Variants in RGL1 observed in about 807,000 individuals in gnomAD.
RGL1 encodes ral guanine nucleotide dissociation stimulator-like 1.
RGL1 carries 24 observed loss-of-function variants against 95.2 expected under a neutral mutation model. The ratio of observed to expected loss-of-function variants is 0.25; its 90% CI spans 0.18 to 0.35. The LOEUF (loss-of-function observed/expected upper bound fraction) is 0.35. Among genes scored for constraint, RGL1 ranks in the 10% least tolerant of loss-of-function variants. The probability of loss-of-function intolerance (pLI) is 1.00; values close to 1 mark genes in which losing one functional copy is unlikely to be tolerated. For synonymous variants in RGL1, 329 were observed against 344.9 expected, an observed-to-expected ratio of 0.95 and a Z score of 0.51; for missense variants, 715 against 936.3, an observed-to-expected ratio of 0.76 and a Z score of 3.08.
At chr1:183,715,786 C>T (rs951738534) in intron 1 of RGL1, among the ~76,000 whole-genome samples, 5 of 151,696 alleles carry the variant, frequency 3.3e-5, no homozygotes, top group Admixed American at 1.3e-4. Flanking sequence ...AGGGAGGGAA[C>T]GATGGAGAAA....
chr1:183,724,253 G>A lies in RGL1; in HGVS notation c.-32-17873G>A, dbSNP rs147779790. ...ACATTCCCAGCTGTGGTGGCTATGA[G>A]GAGAGACTGTTTCTGCTTGAGAAAA... On this transcript the variant is annotated intron_variant, in intron 1 of 18. Coordinates refer to the RGL1 transcript ENST00000304685. This position sits in a 1 kb window ranked among gnomAD's most constrained non-coding sequence, Gnocchi z 4.1. Among the ~76,000 whole-genome samples, 690 of 152,112 alleles carry A rather than the reference G, an allele frequency of 4.5e-3. 4 individuals are homozygous for A. The highest frequency in any genetic ancestry group is 0.01 in the Admixed American group (158 of 15,278).
chr1:183,826,064 T>C (rs1313661646), intron 2 of RGL1, among the ~76,000 whole-genome samples: 1 of 151,438 alleles, frequency 6.6e-6, no homozygotes, highest in Non-Finnish European at 1.5e-5. Context: ...CTCTCTCTTT[T>C]TTTTTTTGAG....
chr1:183,707,956 G>T (rs1055770230), intron 1 of RGL1, among the ~76,000 whole-genome samples: 3 of 152,134 alleles, frequency 2.0e-5, no homozygotes, highest in African/African-American at 2.4e-5. Context: ...GAATTGCAGA[G>T]GTCAGGTTGT....
intron 3 of RGL1, among the ~76,000 whole-genome samples, chr1:183,849,502 T>G (rs1664686614): frequency 7.2e-6 from 1 of 139,622 alleles, no homozygotes; most frequent in African/African-American, 2.8e-5. Flanking sequence ...TTTTTTTTTT[T>G]TTTTGTTGAG....
At chr1:183,673,305 A>T (rs1652596386) in intron 1 of RGL1, among the ~76,000 whole-genome samples, 1 of 152,202 alleles carries the variant, frequency 6.6e-6, no homozygotes, top group Non-Finnish European at 1.5e-5. Flanking sequence ...CCTGAACTAT[A>T]TAGGTAGCAT....
chr1:183,668,992 A>G (rs1652248458), intron 1 of RGL1, among the ~76,000 whole-genome samples: 1 of 138,238 alleles, frequency 7.2e-6, no homozygotes, highest in Non-Finnish European at 1.5e-5. Flanking sequence ...GCTGGAGTGC[A>G]GTGGCAGTGG....
intron 1 of RGL1, among the ~76,000 whole-genome samples, chr1:183,669,429 C>CT (rs1405149390): frequency 6.6e-6 from 1 of 151,802 alleles, no homozygotes; most frequent in Non-Finnish European, 1.5e-5. Flanking sequence ...CATTAAAGTC[C>CT]TTAGCATAGT....
intron 1 of RGL1, among the ~76,000 whole-genome samples, chr1:183,737,612 T>A (rs189102758): frequency 1.1e-3 from 160 of 151,722 alleles, no homozygotes; most frequent in Non-Finnish European, 1.7e-3. Flanking sequence ...TTTCCATGGC[T>A]TTCTCATCTG....
intron 13 of RGL1, 145 bp from the exon 14 acceptor site, chr1:183,906,867 C>A (rs1309032875): frequency 1.6e-6 from 1 of 630,826 alleles, no homozygotes; most frequent in South Asian, 1.8e-5. Context: ...TACCCCCTGA[C>A]GTTTATGATA....
chr1:183,799,650 G>A (rs943413539), intron 2 of RGL1, among the ~76,000 whole-genome samples: 3 of 152,106 alleles, frequency 2.0e-5, no homozygotes, highest in African/African-American at 4.8e-5. Flanking sequence ...TTAAAATCAG[G>A]TTGGTTCGTT....
intron 1 of RGL1, among the ~76,000 whole-genome samples, chr1:183,734,121 G>T (rs959353722): frequency 6.6e-6 from 1 of 152,246 alleles, no homozygotes; most frequent in Non-Finnish European, 1.5e-5. Flanking sequence ...TCGGAAGCTA[G>T]TTAAAATGAT....
intron 2 of RGL1, among the ~76,000 whole-genome samples, chr1:183,827,614 C>G (rs1662959732): frequency 6.6e-6 from 1 of 152,234 alleles, no homozygotes; most frequent in African/African-American, 2.4e-5. Context: ...GGTATAGCTG[C>G]AAAGCATAGC....
At chr1:183,867,675 T>C (rs1197737572) in intron 4 of RGL1, among the ~76,000 whole-genome samples, 1 of 152,090 alleles carries the variant, frequency 6.6e-6, no homozygotes, top group African/African-American at 2.4e-5. Context: ...TATTTTATGC[T>C]GATGAGAATG....
At chr1:183,783,331 G>A (rs1049154232) in intron 2 of RGL1, among the ~76,000 whole-genome samples, 19 of 152,074 alleles carry the variant, frequency 1.2e-4, no homozygotes, top group African/African-American at 4.3e-4. Context: ...TATATATAAT[G>A]ATACTTAGAT....
chr1:183,797,321 T>A (rs1324134498), intron 2 of RGL1, among the ~76,000 whole-genome samples: 1 of 152,042 alleles, frequency 6.6e-6, no homozygotes, highest in Non-Finnish European at 1.5e-5. Context: ...AGAGCAAGAC[T>A]CCATCTCAAA....
intron 3 of RGL1, among the ~76,000 whole-genome samples, chr1:183,853,140 A>G (rs1027449786): frequency 4.6e-5 from 7 of 152,170 alleles, no homozygotes; most frequent in Admixed American, 6.5e-5. Context: ...GTTTGAGACC[A>G]GCCTGGCCAA....
intron 13 of RGL1, among the ~76,000 whole-genome samples, chr1:183,906,047 C>A (rs1668301167): frequency 6.6e-6 from 1 of 152,062 alleles, no homozygotes; most frequent in South Asian, 2.1e-4. Context: ...CCTACCCTAG[C>A]CCAGGGGATT....
chr1:183,873,928 C>G (rs1666332808), intron 4 of RGL1, among the ~76,000 whole-genome samples: 1 of 152,178 alleles, frequency 6.6e-6, no homozygotes, highest in African/African-American at 2.4e-5. Context: ...CTGTCACTAC[C>G]AACGGAAACT....
At chr1:183,757,161 C>T (rs559706866) in intron 2 of RGL1, among the ~76,000 whole-genome samples, 2 of 152,156 alleles carry the variant, frequency 1.3e-5, no homozygotes, top group Admixed American at 6.5e-5. Flanking sequence ...ATGTTCTCTA[C>T]GTGAAATTAA....
Sources: gnomAD v4.1 joint callset for allele counts (sites outside exome capture counted in the v4.1 genomes callset) on GRCh38, gnomAD v4.1.1 for gene constraint, Gnocchi (gnomAD v3.1) non-coding constraint, MANE v1.5 for transcripts, NCBI Gene and HGNC (gene_info 2026-07-23, HGNC 2026-07-21) for gene names.